Variants in LANCL3 observed in about 807,000 individuals in gnomAD.
The protein encoded by LANCL3 is lanC-like protein 3.
Under a neutral mutation model 26.5 loss-of-function variants are expected in LANCL3, and 19 were observed. The observed-to-expected ratio is 0.72, with a 90% CI of 0.50 to 1.05. The LOEUF is 1.05. Among genes scored for constraint, LANCL3 ranks in the 50% least tolerant of loss-of-function variants. The pLI is 0.00. For synonymous variants in LANCL3, 160 were observed against 166.6 expected, an observed-to-expected ratio of 0.96 and a Z score of 0.30; for missense variants, 318 against 362.7, an observed-to-expected ratio of 0.88 and a Z score of 1.00.
chrX:37,637,658 G>T (rs1925742247), intron 1 of LANCL3, among the ~76,000 whole-genome samples: 1 of 111,971 alleles, frequency 8.9e-6, no homozygotes, highest in Non-Finnish European at 1.9e-5. Flanking sequence ...TCAGCAGTCA[G>T]CCAGTTTCAG....
chrX:37,590,982 A>G (rs1173479273), intron 1 of LANCL3, among the ~76,000 whole-genome samples: 3 of 111,851 alleles, frequency 2.7e-5, no homozygotes, highest in African/African-American at 9.8e-5. Flanking sequence ...TTGGCCAAAC[A>G]TCTCTGAAAT....
chrX:37,671,740 G>A (rs916889342), intron 4 of LANCL3, among the ~76,000 whole-genome samples: 2 of 111,819 alleles, frequency 1.8e-5, no homozygotes, highest in Non-Finnish European at 3.8e-5. Flanking sequence ...CATTTTCTCA[G>A]AAAGGCCCTC....
At chrX:37,643,351 A>G (rs965077325) in intron 1 of LANCL3, among the ~76,000 whole-genome samples, 1 of 112,349 alleles carries the variant, frequency 8.9e-6, no homozygotes, top group African/African-American at 3.2e-5. Flanking sequence ...CACATTAAAG[A>G]ATTACAGCCC....
intron 1 of LANCL3, among the ~76,000 whole-genome samples, chrX:37,600,210 A>G (rs781828984): frequency 2.7e-5 from 3 of 112,124 alleles, no homozygotes; most frequent in African/African-American, 9.7e-5. Flanking sequence ...AACTTTTATT[A>G]CAGTATATTA....
At chrX:37,600,374 A>G (rs1308209989) in intron 1 of LANCL3, among the ~76,000 whole-genome samples, 3 of 112,061 alleles carry the variant, frequency 2.7e-5, no homozygotes, top group Admixed American at 9.5e-5. Context: ...TCCACTGGGG[A>G]TCTTAGAATG....
intron 1 of LANCL3, among the ~76,000 whole-genome samples, chrX:37,575,521 G>T (rs1289578528): frequency 9.0e-6 from 1 of 111,302 alleles, no homozygotes; most frequent in Non-Finnish European, 1.9e-5. Context: ...GGTAGTTTTG[G>T]TGTCATGTTT....
rs1199872422 is a variant in LANCL3, at chrX:37,684,211, G to C, written c.*8398G>C. 2 of 112,464 alleles carry C rather than the reference G, an allele frequency of 1.8e-5. No individual in the cohort carries two copies. The highest frequency in any genetic ancestry group is 3.8e-5 in the Non-Finnish European group (2 of 53,301). The allele number at this position is 112,464 out of a possible 1,213,427, so 9.3% of individuals were successfully genotyped here. On this transcript the variant is annotated 3_prime_UTR_variant, in exon 5 of 5. Coordinates refer to ENST00000378619, the MANE Select transcript of LANCL3 (RefSeq NM_001170331.2). ...AATCTCTATAAGCAAGATAGAGTCA[G>C]AAGCTTAGAGATGCACTTTATGGTT... is the stretch of plus-strand genomic sequence containing the variant.
chrX:37,659,906 A>G (rs1382588467), intron 3 of LANCL3, among the ~76,000 whole-genome samples: 2 of 111,702 alleles, frequency 1.8e-5, no homozygotes, highest in Non-Finnish European at 3.8e-5. Context: ...TGTCCAATAG[A>G]AGTATAATAT....
intron 4 of LANCL3, among the ~76,000 whole-genome samples, chrX:37,671,970 T>G (rs1183127569): frequency 9.0e-6 from 1 of 111,477 alleles, no homozygotes; most frequent in Non-Finnish European, 1.9e-5. Context: ...GAAAGTAATT[T>G]TGGATATCAT....
intron 1 of LANCL3, among the ~76,000 whole-genome samples, chrX:37,584,329 T>C (rs1269703347): frequency 1.9e-5 from 2 of 107,992 alleles, no homozygotes; most frequent in African/African-American, 7.2e-5. Context: ...GATGCTCGCC[T>C]CATAAAATGA....
intron 4 of LANCL3, among the ~76,000 whole-genome samples, chrX:37,673,817 G>A (rs1028060424): frequency 9.0e-6 from 1 of 111,494 alleles, no homozygotes; most frequent in Non-Finnish European, 1.9e-5. Flanking sequence ...AAATAAATGA[G>A]TGCATGGGGG....
At chrX:37,576,153 CT>C (rs1244797978) in intron 1 of LANCL3, among the ~76,000 whole-genome samples, 4 of 111,730 alleles carry the variant, frequency 3.6e-5, no homozygotes, top group Non-Finnish European at 5.6e-5. Flanking sequence ...TTAGTTTACC[CT>C]TTTCTAGGTT....
chrX:37,592,780 A>AG (rs1924324729), intron 1 of LANCL3, among the ~76,000 whole-genome samples: 1 of 112,036 alleles, frequency 8.9e-6, no homozygotes, highest in Non-Finnish European at 1.9e-5. Flanking sequence ...AATTAAAAGA[A>AG]CAAAGTGAAA....
chrX:37,640,455 G>T (rs1378737631), intron 1 of LANCL3, among the ~76,000 whole-genome samples: 1 of 111,654 alleles, frequency 9.0e-6, no homozygotes, highest in Admixed American at 9.5e-5. Flanking sequence ...CCCGACATGT[G>T]AGGATTACGA....
intron 1 of LANCL3, among the ~76,000 whole-genome samples, chrX:37,620,308 A>G (rs1479133954): frequency 1.8e-5 from 2 of 112,133 alleles, no homozygotes; most frequent in Admixed American, 1.9e-4. Flanking sequence ...GAATGTGGGA[A>G]TCTCCAGAGA....
At chrX:37,583,868 G>T (rs1366591418) in intron 1 of LANCL3, among the ~76,000 whole-genome samples, 1 of 111,847 alleles carries the variant, frequency 8.9e-6, no homozygotes, top group Non-Finnish European at 1.9e-5. Context: ...AATAGGTGTG[G>T]TGAGAGAGGG....
Position 37,572,211 on chromosome X carries a change from C to T in LANCL3, c.341C>T (p.Ala114Val), listed in dbSNP as rs1923607478. The T allele has an allele frequency of 8.6e-7, 1 of 1,158,120 alleles. No individual in the cohort carries two copies. Among genetic ancestry groups the T allele is most frequent in the African/African-American group, 1.8e-5 (1 of 56,066 alleles). The change falls in exon 1 of 5, where the codon GCC becomes GTC. Residue 114 changes from alanine to valine, a missense_variant. Transcript: ENST00000378619. ...ARAEEWGEPD[A>V]DTRAAFLLGG... ...GCTGAGGAGTGGGGCGAACCGGACG[C>T]CGACACCCGCGCCGCCTTCCTGCTC...
At chrX:37,576,106 G>A (rs5917346) in intron 1 of LANCL3, among the ~76,000 whole-genome samples, 2 of 111,780 alleles carry the variant, frequency 1.8e-5, no homozygotes, top group Admixed American at 9.5e-5. Flanking sequence ...ATTTATGTGT[G>A]GACATTTCCC....
intron 1 of LANCL3, among the ~76,000 whole-genome samples, chrX:37,603,041 T>C (rs1350497967): frequency 8.9e-6 from 1 of 112,012 alleles, no homozygotes; most frequent in African/African-American, 3.2e-5. Context: ...CTAAAGGAAA[T>C]AGAAGTGTTT....
Sources: gnomAD v4.1 joint callset for allele counts (sites outside exome capture counted in the v4.1 genomes callset) on GRCh38, gnomAD v4.1.1 for gene constraint, MANE v1.5 for transcripts, NCBI Gene and HGNC (gene_info 2026-07-23, HGNC 2026-07-21) for gene names.